Variants in JDP2 observed in about 807,000 individuals in gnomAD.
The protein encoded by JDP2 is Jun dimerization protein 2, also known as progesterone receptor co-activator.
Under a neutral mutation model 17.1 loss-of-function variants are expected in JDP2, and 9 were observed. That is an observed-to-expected ratio of 0.53 (90% CI 0.32 to 0.92). JDP2 has a LOEUF of 0.92. Among genes scored for constraint, JDP2 ranks in the 40% least tolerant of loss-of-function variants. JDP2 has a pLI of 0.04. For missense variants in JDP2, 179 were observed against 220.0 expected, an observed-to-expected ratio of 0.81 and a Z score of 1.18; for synonymous variants, 107 against 95.6, an observed-to-expected ratio of 1.12 and a Z score of -0.69.
intron 2 of JDP2, among the ~76,000 whole-genome samples, chr14:75,452,172 C>T (rs1433708031): frequency 6.6e-6 from 1 of 152,174 alleles, no homozygotes; most frequent in Admixed American, 6.5e-5. Context: ...TGAATGAAAA[C>T]CCAGAGAAGT....
intron 1 of JDP2, among the ~76,000 whole-genome samples, chr14:75,433,556 T>TC (rs1213577997): frequency 6.6e-6 from 1 of 150,578 alleles, no homozygotes; most frequent in East Asian, 2.0e-4. Flanking sequence ...CCTTTTTTTT[T>TC]TTTTTTTTCA....
At position 75,472,712 on chromosome 14, in the gene JDP2, C is replaced by T. The variant is rs1188975742; in HGVS notation, c.*3237C>T. 2.0e-5 allele frequency: 3 copies of T among 152,200 alleles called. No individual in the cohort carries two copies. The highest frequency in any genetic ancestry group is 2.0e-4 in the Admixed American group (3 of 15,288). 9.4% of individuals were successfully genotyped at this position (152,200 alleles called of 1,614,324 possible). On this transcript the variant is annotated 3_prime_UTR_variant, in exon 4 of 4. Transcript: ENST00000651602. ...TCCCTAAAATGGTAATTATTTTGTC[C>T]TCTGTTAGTGTCGGTAGTTATTGAT...
At chr14:75,464,406 A>G (rs1465771851) in intron 3 of JDP2, among the ~76,000 whole-genome samples, 1 of 152,232 alleles carries the variant, frequency 6.6e-6, no homozygotes, top group African/African-American at 2.4e-5. Flanking sequence ...GTATTCAGAA[A>G]AAAAAGCATC....
chr14:75,469,179 A>C, intron 3 of JDP2, 111 bp from the exon 4 acceptor site: 1 of 970,492 alleles, frequency 1.0e-6, no homozygotes, highest in Non-Finnish European at 1.5e-6. Flanking sequence ...TTCTTCCTGC[A>C]GAAAACAGGC....
At chr14:75,437,734 C>T (rs1482916575) in intron 1 of JDP2, among the ~76,000 whole-genome samples, 164 bp from the exon 2 acceptor site, 3 of 152,242 alleles carry the variant, frequency 2.0e-5, no homozygotes, top group Non-Finnish European at 4.4e-5. Flanking sequence ...GCAACTTTTC[C>T]TCTATAACAG....
At chr14:75,433,459 T>G (rs1395802727) in intron 1 of JDP2, among the ~76,000 whole-genome samples, 3 of 151,240 alleles carry the variant, frequency 2.0e-5, no homozygotes, top group Non-Finnish European at 4.4e-5. Flanking sequence ...TGACATGTTT[T>G]GTGGCTTTTC....
At chr14:75,463,829 G>A (rs966766375) in intron 3 of JDP2, among the ~76,000 whole-genome samples, 2 of 152,178 alleles carry the variant, frequency 1.3e-5, no homozygotes, top group Non-Finnish European at 2.9e-5. Context: ...TTCTGTGCCT[G>A]TTGTCCTGGC....
intron 2 of JDP2, among the ~76,000 whole-genome samples, chr14:75,456,448 C>T (rs564258423): frequency 1.5e-4 from 23 of 152,230 alleles, no homozygotes; most frequent in African/African-American, 5.3e-4. Flanking sequence ...GTGAGGTGCC[C>T]GGGGGCGTGG....
intron 2 of JDP2, among the ~76,000 whole-genome samples, chr14:75,441,672 T>C (rs1325587695): frequency 6.6e-6 from 1 of 152,210 alleles, no homozygotes; most frequent in East Asian, 1.9e-4. Context: ...CCTGGGAACG[T>C]CATTTCCTGG....
chr14:75,449,690 A>G (rs902839082), intron 2 of JDP2, among the ~76,000 whole-genome samples: 32 of 152,258 alleles, frequency 2.1e-4, no homozygotes, highest in African/African-American at 7.2e-4. Context: ...TGAAATAGAC[A>G]TATTTCAGCA....
At chr14:75,445,807 A>T (rs1266246996) in intron 2 of JDP2, 2 of 164,196 alleles carry the variant, frequency 1.2e-5, no homozygotes, top group Admixed American at 1.3e-4. Context: ...AATAAAAAAA[A>T]TAAATTGGAC....
intron 2 of JDP2, among the ~76,000 whole-genome samples, chr14:75,453,937 T>C (rs755946222): frequency 4.4e-4 from 67 of 152,342 alleles, no homozygotes; most frequent in Non-Finnish European, 7.8e-4. Context: ...TATTTCTTTG[T>C]CCATGTGAGA....
At chr14:75,437,769 A>T (rs1411515606) in intron 1 of JDP2, 129 bp from the exon 2 acceptor site, 3 of 624,244 alleles carry the variant, frequency 4.8e-6, no homozygotes, top group Non-Finnish European at 5.4e-6. Context: ...CAGGAAGAGC[A>T]GCTGGGTGGG....
In JDP2 at chr14:75,469,432, A is replaced by G. The variant is rs756070849; in HGVS notation, c.449A>G (p.Glu150Gly). 6 of 1,613,944 alleles carry G rather than the reference A, an allele frequency of 3.7e-6. No homozygotes were observed. Among genetic ancestry groups the G allele is most frequent in the African/African-American group, 1.3e-5 (1 of 74,898 alleles). The change falls in exon 4 of 4, where the codon GAG becomes GGG. Residue 150 changes from glutamate (E) to glycine (G), a missense_variant. Coordinates refer to ENST00000651602, the MANE Select transcript of JDP2 (RefSeq NM_001135048.2). ...IVRTDSVKTPESEGNPLLEQL... is the reference protein window; with the variant it reads ...IVRTDSVKTPGSEGNPLLEQL... ...CGGACCGACAGTGTCAAGACCCCCGAGTCAGAAGGCAACCCACTGCTCGAG... is the reference window on the plus strand; with the variant it reads ...CGGACCGACAGTGTCAAGACCCCCGGGTCAGAAGGCAACCCACTGCTCGAG...
At chr14:75,457,636 G>A (rs907563404) in intron 2 of JDP2, among the ~76,000 whole-genome samples, 8 of 152,240 alleles carry the variant, frequency 5.3e-5, no homozygotes, top group Non-Finnish European at 7.3e-5. Flanking sequence ...GAAAGGCCTG[G>A]GGCTGGGCTT....
At position 75,473,663 on chromosome 14, in the gene JDP2, T is replaced by C. The variant is rs1294072609; in HGVS notation, c.*4188T>C. On this transcript the variant is annotated 3_prime_UTR_variant, in exon 4 of 4. Transcript: ENST00000651602. The stretch of plus-strand genomic sequence containing the variant: ...TAAAAAAGAATGAACCAGAGCTATA[T>C]GTATCAATATGGATAAATCTCAGAA... 2 of 152,258 alleles carry C rather than the reference T, an allele frequency of 1.3e-5. No individual in the cohort carries two copies. Among genetic ancestry groups the C allele is most frequent in the African/African-American group, 4.8e-5 (2 of 41,476 alleles). The allele number at this position is 152,258 out of a possible 1,614,324, so 9.4% of individuals were successfully genotyped here. A position where few individuals can be genotyped will look rare whatever the true frequency, so the allele number is the denominator to read the frequency against.
rs891155968 is a variant in JDP2 at position 75,445,497 on chromosome 14, G to A, written c.201+7376G>A. ...ACCCTACCAACTCCCCAGTCCCCGC[G>A]AATAAAAACCCTTGCCTTTTTGGAG... On this transcript the variant is annotated intron_variant, in intron 2 of 3. Coordinates refer to ENST00000651602, the MANE Select transcript of JDP2 (RefSeq NM_001135048.2). 2.0e-5 allele frequency: 20 copies of A among 985,346 alleles called. No individual in the cohort carries two copies. In the African/African-American group the frequency reaches 2.3e-4, roughly 11 times the overall value. 61.0% of individuals were successfully genotyped at this position (985,346 alleles called of 1,614,324 possible).
intron 2 of JDP2, among the ~76,000 whole-genome samples, chr14:75,460,774 G>A (rs893431814): frequency 2.0e-5 from 3 of 152,340 alleles, no homozygotes; most frequent in South Asian, 4.1e-4. Flanking sequence ...GGGCAGAAGC[G>A]AGGGGCTTCC....
intron 2 of JDP2, among the ~76,000 whole-genome samples, chr14:75,455,368 G>A (rs1286809107): frequency 6.6e-6 from 1 of 152,154 alleles, no homozygotes; most frequent in Non-Finnish European, 1.5e-5. Flanking sequence ...CCTGCAGGCC[G>A]TGACTGGGTC....
Sources: gnomAD v4.1 joint callset for allele counts (sites outside exome capture counted in the v4.1 genomes callset) on GRCh38, gnomAD v4.1.1 for gene constraint, MANE v1.5 for transcripts, NCBI Gene and HGNC (gene_info 2026-07-23, HGNC 2026-07-21) for gene names.